The following MAML3 variants were observed in gnomAD, a reference collection of about 807,000 sequenced individuals.
The protein encoded by MAML3 is mastermind like transcriptional coactivator 3, also known as mastermind-like protein 3.
A neutral mutation model predicts 101.9 loss-of-function variants in MAML3; 27 were observed. That is an observed-to-expected ratio of 0.27 (90% confidence interval 0.20 to 0.37). The LOEUF (loss-of-function observed/expected upper bound fraction) is 0.37, where lower values mean the gene tolerates loss of function less well. MAML3 is among the 10% of genes least tolerant of loss of function. The pLI, the probability that MAML3 is intolerant of heterozygous loss-of-function variation, is 1.00. For missense variants in MAML3, 1,316 were observed against 1,444.9 expected (o/e 0.91, Z 1.45); for synonymous variants, 501 against 555.9 (o/e 0.90, Z 1.39).
chr4:139,829,934 T>C lies in MAML3; in HGVS notation c.2079+59423A>G, dbSNP rs138210883. Among the ~76,000 whole-genome samples the C allele has an allele frequency of 5.4e-3, 821 of 152,358 alleles. 9 individuals are homozygous for C. Among genetic ancestry groups the C allele is most frequent in the Non-Finnish European group, 9.5e-3 (649 of 68,036 alleles). ...ATAGCCTCTGTGACAATGGGTCAGA[T>C]GGTCATGTTAACGTAACGAATAATG... On this transcript the variant is annotated intron_variant, in intron 2 of 4. Transcript: ENST00000509479.
chr4:140,030,721 A>G (rs980213846), intron 1 of MAML3, among the ~76,000 whole-genome samples: 6 of 152,034 alleles, frequency 3.9e-5, no homozygotes, highest in Non-Finnish European at 5.9e-5. Flanking sequence ...ACAAGCACAC[A>G]CTTCCAAATG....
At chr4:139,922,177 G>T (rs78312384) in intron 1 of MAML3, among the ~76,000 whole-genome samples, 2,763 of 152,000 alleles carry the variant, frequency 0.018, 91 homozygotes, top group African/African-American at 0.063. Flanking sequence ...AAAGACACCC[G>T]CCTGTCCTCC....
At chr4:139,745,471 G>A (rs1300146113) in intron 2 of MAML3, among the ~76,000 whole-genome samples, 5 of 152,170 alleles carry the variant, frequency 3.3e-5, no homozygotes, top group African/African-American at 9.7e-5. Flanking sequence ...GGGGAAGCTG[G>A]CTGAGATTTG....
At position 140,097,665 on chromosome 4, in the gene MAML3, C is replaced by T. The variant is rs141402968; in HGVS notation, c.468+55195G>A. Among the ~76,000 whole-genome samples, 182 of 151,784 alleles carry T rather than the reference C, an allele frequency of 1.2e-3. 1 individual carries two copies. The highest frequency in any genetic ancestry group is 2.2e-3 in the Non-Finnish European group (150 of 67,956). On this transcript the variant is annotated intron_variant, in intron 1 of 4. Transcript: ENST00000509479. ...AAAAAGGTTAATTTTATAAATAATA[C>T]CAAAGAGTTAAGTGGACAGAATGAT...
chr4:139,894,377 A>G (rs1230774935), intron 1 of MAML3, among the ~76,000 whole-genome samples: 1 of 152,088 alleles, frequency 6.6e-6, no homozygotes, highest in Non-Finnish European at 1.5e-5. Context: ...GGGTGGTGGC[A>G]CACACCTGTA....
intron 1 of MAML3, among the ~76,000 whole-genome samples, chr4:140,070,541 A>G (rs1156505527): frequency 6.6e-6 from 1 of 152,240 alleles, no homozygotes; most frequent in African/African-American, 2.4e-5. Flanking sequence ...AAAGGCAGAC[A>G]AACTGCCTTG....
intron 2 of MAML3, among the ~76,000 whole-genome samples, chr4:139,763,431 A>G (rs192627318): frequency 6.6e-6 from 1 of 152,294 alleles, no homozygotes; most frequent in African/African-American, 2.4e-5. Flanking sequence ...GTACGGAGCT[A>G]AAGAGGCACA....
chr4:139,835,847 A>G (rs764005799), intron 2 of MAML3, among the ~76,000 whole-genome samples: 1 of 152,256 alleles, frequency 6.6e-6, no homozygotes, highest in Non-Finnish European at 1.5e-5. Flanking sequence ...ATTGTGGCTC[A>G]AAGGAAGTCA....
At chr4:139,737,245 A>G (rs139311845) in intron 2 of MAML3, among the ~76,000 whole-genome samples, 9 of 152,194 alleles carry the variant, frequency 5.9e-5, no homozygotes, top group African/African-American at 2.2e-4. Context: ...TGTAACACTT[A>G]TGGGGCACCT....
intron 1 of MAML3, among the ~76,000 whole-genome samples, chr4:139,892,734 G>C (rs1732526510): frequency 6.6e-6 from 1 of 151,862 alleles, no homozygotes; most frequent in Non-Finnish European, 1.5e-5. Context: ...GACCACCCTG[G>C]CAAACACGGT....
At chr4:139,836,070 T>A (rs1290688107) in intron 2 of MAML3, among the ~76,000 whole-genome samples, 3 of 152,106 alleles carry the variant, frequency 2.0e-5, no homozygotes, top group Non-Finnish European at 4.4e-5. Flanking sequence ...CCAGTAAAGG[T>A]GGTAGATCAT....
Position 139,836,490 on chromosome 4 carries a change from AATG to A in MAML3, c.2079+52864_2079+52866del, listed in dbSNP as rs141734274. ...AGAACTATTTCCAATTCAAAACAAC[AATG>A]ATGATCCTCTTTATTCAATTATCAA... On this transcript the variant is annotated intron_variant, in intron 2 of 4. Coordinates refer to ENST00000509479, the MANE Select transcript of MAML3 (RefSeq NM_018717.5). Among the ~76,000 whole-genome samples, 755 of 152,310 alleles carry A rather than the reference AATG, an allele frequency of 5.0e-3. 9 individuals are homozygous for A. The highest frequency in any genetic ancestry group is 0.017 in the African/African-American group (699 of 41,562).
chr4:139,878,849 G>T (rs561398476), intron 2 of MAML3, among the ~76,000 whole-genome samples: 1 of 152,322 alleles, frequency 6.6e-6, no homozygotes, highest in African/African-American at 2.4e-5. Flanking sequence ...CCCTACATAA[G>T]CCTTGTGTCG....
intron 1 of MAML3, among the ~76,000 whole-genome samples, chr4:140,084,822 G>A (rs918995163): frequency 2.0e-4 from 30 of 152,142 alleles, no homozygotes; most frequent in Non-Finnish European, 4.0e-4. Context: ...TGAACACATT[G>A]TGTTCAAGGT....
intron 2 of MAML3, chr4:139,740,470 C>G (rs1180848750): frequency 6.6e-6 from 1 of 152,098 alleles, no homozygotes; most frequent in Non-Finnish European, 1.5e-5. Flanking sequence ...TGTTTGCTAC[C>G]TTTCTTTCCT....
chr4:139,880,139 C>CT (rs1732190723), intron 2 of MAML3, among the ~76,000 whole-genome samples: 2 of 151,732 alleles, frequency 1.3e-5, no homozygotes, highest in African/African-American at 4.8e-5. Context: ...TGCCACTGCA[C>CT]TCCAGCCTGG....
In MAML3 at chr4:139,890,479, C is replaced by T. The variant is rs1363290469; in HGVS notation, c.957G>A (p.Thr319=). Residue 319 remains threonine (T), a synonymous_variant, in exon 2 of 5, where the codon ACG becomes ACA. Coordinates refer to ENST00000509479, the MANE Select transcript of MAML3 (RefSeq NM_018717.5). The surrounding 1 kb of genome is among the most constrained non-coding windows in gnomAD (Gnocchi z 4.1). ...GGTCCTGTATGTCATCCTCAGGAACCGTGTTGGCCAATTCATCTATTAATT... is the reference window on the plus strand; with the variant it reads ...GGTCCTGTATGTCATCCTCAGGAACTGTGTTGGCCAATTCATCTATTAATT... ...WQELIDELAN[T]VPEDDIQDLF... is the part of the protein sequence containing the mutation. 32 of 1,613,694 alleles carry T rather than the reference C, an allele frequency of 2.0e-5. No individual in the cohort carries two copies. Among genetic ancestry groups the T allele is most frequent in the African/African-American group, 2.7e-5 (2 of 74,896 alleles).
At chr4:139,819,803 T>C (rs1168658414) in intron 2 of MAML3, among the ~76,000 whole-genome samples, 1 of 152,216 alleles carries the variant, frequency 6.6e-6, no homozygotes, top group Non-Finnish European at 1.5e-5. Flanking sequence ...TAACTGACCA[T>C]GAGTGTTGAT....
intron 1 of MAML3, among the ~76,000 whole-genome samples, chr4:139,910,387 A>G (rs1233132603): frequency 1.3e-5 from 2 of 152,210 alleles, no homozygotes; most frequent in African/African-American, 4.8e-5. Flanking sequence ...ACTGTGCGAT[A>G]CTTCAGTCAC....
Sources: allele counts gnomAD v4.1 joint callset (sites outside exome capture counted in the v4.1 genomes callset), GRCh38; gene constraint gnomAD v4.1.1; non-coding constraint Gnocchi (gnomAD v3.1); transcripts MANE v1.5; gene names NCBI Gene and HGNC (gene_info 2026-07-23, HGNC 2026-07-21).